Variants in WDPCP observed in about 807,000 individuals in gnomAD.
WDPCP encodes WD repeat containing planar cell polarity effector.
Under a neutral mutation model 93.1 loss-of-function variants are expected in WDPCP, and 71 were observed. The observed-to-expected ratio is 0.76, with a 90% CI of 0.63 to 0.93. WDPCP has a LOEUF of 0.93. Among genes scored for constraint, WDPCP ranks in the 40% least tolerant of loss-of-function variants. WDPCP has a pLI of 0.00. For missense variants in WDPCP, 844 were observed against 887.4 expected (o/e 0.95, Z 0.62); for synonymous variants, 315 against 315.0 (o/e 1.00, Z 0.00).
intron 14 of WDPCP, among the ~76,000 whole-genome samples, chr2:63,234,044 A>T (rs996252798): frequency 1.3e-5 from 2 of 152,192 alleles, no homozygotes; most frequent in African/African-American, 4.8e-5. Flanking sequence ...CTCATGGGTA[A>T]AATAGATATG....
chr2:63,650,366 A>C (rs1369400503), intron 3 of WDPCP, among the ~76,000 whole-genome samples: 2 of 152,174 alleles, frequency 1.3e-5, no homozygotes, highest in African/African-American at 4.8e-5. Context: ...ACATACTTTG[A>C]GAACTTCTGC....
At chr2:63,365,594 T>C (rs992444890) in intron 12 of WDPCP, among the ~76,000 whole-genome samples, 2 of 152,112 alleles carry the variant, frequency 1.3e-5, no homozygotes, top group African/African-American at 4.8e-5. Flanking sequence ...AGCCCTTCTT[T>C]TTTCCTAATG....
At chr2:63,703,216 T>C (rs571123296) in intron 2 of WDPCP, among the ~76,000 whole-genome samples, 2 of 152,366 alleles carry the variant, frequency 1.3e-5, no homozygotes, top group African/African-American at 2.4e-5. Flanking sequence ...GCATGATTTA[T>C]AATCCTTTGG....
At chr2:63,429,766 G>A (rs781697522) in intron 9 of WDPCP, among the ~76,000 whole-genome samples, 8 of 152,128 alleles carry the variant, frequency 5.3e-5, no homozygotes, top group Non-Finnish European at 1.2e-4. Context: ...CCACTGTGGA[G>A]TGCAGTCTGG....
intron 6 of WDPCP, among the ~76,000 whole-genome samples, chr2:63,469,053 C>CA (rs1400169938): frequency 2.2e-3 from 317 of 144,588 alleles, no homozygotes; most frequent in Non-Finnish European, 3.5e-3. Flanking sequence ...TGACACTTTT[C>CA]AAAAAAAAAA....
At chr2:63,709,158 T>C (rs553500877) in intron 2 of WDPCP, among the ~76,000 whole-genome samples, 1 of 19,782 alleles carries the variant, frequency 5.1e-5, no homozygotes, top group East Asian at 3.2e-4. Context: ...ACTTGAACCC[T>C]GGAGGTGTGA....
chr2:63,433,770 A>T lies in WDPCP; in HGVS notation c.800T>A (p.Leu267Gln). The change falls in exon 9 of 18, where the codon CTG becomes CAG. Residue 267 changes from leucine to glutamine, a missense_variant. Physicochemically the swap from Leu to Gln is moderately radical, Grantham distance 113 (BLOSUM62 -2). Transcript: ENST00000272321. ...SEKDRANLLLLGYAQGRLEVL... is the reference protein window; with the variant it reads ...SEKDRANLLLQGYAQGRLEVL... ...CTCTAGTCTTCCTTGAGCATAACCC[A>T]GGAGGAGTAGATTGGCTCTGTCCTT... The T allele has an allele frequency of 6.2e-7, 1 of 1,613,722 alleles. No individual in the cohort carries two copies. The highest frequency in any genetic ancestry group is 8.5e-7 in the Non-Finnish European group (1 of 1,179,800).
chr2:63,574,301 T>C (rs568234785), intron 1 of WDPCP, among the ~76,000 whole-genome samples: 1 of 152,318 alleles, frequency 6.6e-6, no homozygotes, highest in Admixed American at 6.5e-5. Context: ...CTCTCTTTTG[T>C]ACTCTGTCCC....
rs1706696736 is a variant in WDPCP at position 63,562,406 on chromosome 2, ATAAC to A, written c.75+25787_75+25790del. Among the ~76,000 whole-genome samples the A allele has an allele frequency of 2.0e-5, 3 of 152,324 alleles. No individual in the cohort carries two copies. In the South Asian group the frequency reaches 6.2e-4, roughly 32 times the overall value. On this transcript the variant is annotated intron_variant, in intron 1 of 17. Transcript: ENST00000272321. ...GGTGGGAGGGAGTGTACCAGGATAA[ATAAC>A]TAATGCATGTGGGGCTTAATACCTA... is the stretch of plus-strand genomic sequence containing the variant.
intron 13 of WDPCP, among the ~76,000 whole-genome samples, chr2:63,266,200 A>C (rs1346718228): frequency 6.6e-6 from 1 of 152,216 alleles, no homozygotes; most frequent in Non-Finnish European, 1.5e-5. Flanking sequence ...CCTTATAGGA[A>C]AGGAAGGTGT....
intron 2 of WDPCP, among the ~76,000 whole-genome samples, chr2:63,681,959 G>T (rs1431649647): frequency 6.6e-6 from 1 of 151,904 alleles, no homozygotes; most frequent in Admixed American, 6.6e-5. Flanking sequence ...CCACAAGTCT[G>T]CATGAACCAC....
intron 1 of WDPCP, chr2:63,564,693 A>G (rs939468758): frequency 6.6e-6 from 1 of 152,230 alleles, no homozygotes; most frequent in African/African-American, 2.4e-5. Flanking sequence ...TATAAAACAA[A>G]TGTAAATAAT....
At chr2:63,811,405 T>C (rs546365576) in intron 2 of WDPCP, among the ~76,000 whole-genome samples, 1 of 152,290 alleles carries the variant, frequency 6.6e-6, no homozygotes, top group African/African-American at 2.4e-5. Flanking sequence ...AAAGGCCACA[T>C]GTAAGTAGCC....
At chr2:63,299,047 T>C (rs1240026092) in intron 13 of WDPCP, among the ~76,000 whole-genome samples, 1 of 151,828 alleles carries the variant, frequency 6.6e-6, no homozygotes, top group Non-Finnish European at 1.5e-5. Context: ...GTAGATGCAA[T>C]GTGGGCATCC....
At position 63,588,319 on chromosome 2, in the gene WDPCP, C is replaced by T; in HGVS notation, c.-48G>A. The T allele has an allele frequency of 6.5e-7, 1 of 1,549,890 alleles. No individual in the cohort carries two copies. Among genetic ancestry groups the T allele is most frequent in the Middle Eastern group, 1.7e-4 (1 of 5,994 alleles). On this transcript the variant is annotated 5_prime_UTR_variant, in exon 1 of 18. Coordinates refer to ENST00000272321, the MANE Select transcript of WDPCP (RefSeq NM_015910.7). ...AAGGTTCCTAGGCTAGGTCCTCGGA[C>T]CCGAGAGGGAGCGACACGCTCGCTT...
At chr2:63,320,569 T>G (rs1352642826) in intron 12 of WDPCP, among the ~76,000 whole-genome samples, 1 of 152,038 alleles carries the variant, frequency 6.6e-6, no homozygotes, top group East Asian at 1.9e-4. Context: ...CATTGCAAGA[T>G]TTCTACATTT....
chr2:63,500,399 G>C (rs1002783134), intron 1 of WDPCP, among the ~76,000 whole-genome samples: 9 of 151,820 alleles, frequency 5.9e-5, no homozygotes, highest in African/African-American at 2.2e-4. Flanking sequence ...CAATTTAAAA[G>C]ACAGACTAAG....
intron 2 of WDPCP, among the ~76,000 whole-genome samples, chr2:63,666,509 C>T (rs114217064): frequency 0.012 from 1,785 of 152,292 alleles, 14 homozygotes; most frequent in Non-Finnish European, 0.014. Context: ...TATTCCTTTT[C>T]AAACTTCCCT....
Position 63,148,590 on chromosome 2 carries a change from G to A in WDPCP, c.2190+4324C>T, listed in dbSNP as rs571046267. ...GCTGGTCTTGAATTTCTGGCCTCAC[G>A]TGATCCACCCACTACCCAAAGTGCT... On this transcript the variant is annotated intron_variant, in intron 17 of 17. Transcript: ENST00000272321. 6.0e-4 allele frequency among the ~76,000 whole-genome samples: 91 copies of A among 151,760 alleles called. 1 individual carries two copies. The highest frequency in any genetic ancestry group is 2.1e-3 in the African/African-American group (86 of 41,384).
Sources: gnomAD v4.1 joint callset for allele counts (sites outside exome capture counted in the v4.1 genomes callset) on GRCh38, gnomAD v4.1.1 for gene constraint, MANE v1.5 for transcripts, NCBI Gene and HGNC (gene_info 2026-07-23, HGNC 2026-07-21) for gene names.